NRCAM: variants seen among roughly 807,000 people sequenced by gnomAD.
The protein encoded by NRCAM is neuronal cell adhesion molecule, also known as NgCAM-related cell adhesion molecule.
In NRCAM, 83 loss-of-function variants were observed where a neutral mutation model predicts 156.5. The observed-to-expected ratio is 0.53, with a 90% confidence interval of 0.44 to 0.64. The LOEUF is 0.64. Among genes scored for constraint, NRCAM ranks in the 30% least tolerant of loss-of-function variants. NRCAM has a pLI of 0.00. For synonymous variants in NRCAM, 538 were observed against 563.9 expected (o/e 0.95, Z 0.65); for missense variants, 1,417 against 1,597.3 (o/e 0.89, Z 1.92).
intron 30 of NRCAM, among the ~76,000 whole-genome samples, chr7:108,165,253 G>C (rs984305199): frequency 6.6e-6 from 1 of 152,140 alleles, no homozygotes; most frequent in Admixed American, 6.5e-5. Flanking sequence ...GTATAGTGAG[G>C]CCTTTCTTCT....
chr7:108,386,098 A>G (rs375183189), intron 2 of NRCAM, among the ~76,000 whole-genome samples: 6 of 152,252 alleles, frequency 3.9e-5, no homozygotes, highest in African/African-American at 1.4e-4. Context: ...ATAAGGATGC[A>G]GGAACTAGAA....
intron 2 of NRCAM, among the ~76,000 whole-genome samples, chr7:108,356,306 C>T (rs1047884316): frequency 3.9e-5 from 6 of 152,118 alleles, no homozygotes; most frequent in African/African-American, 1.4e-4. Context: ...TTACAGTATG[C>T]TGTTATAATT....
intron 1 of NRCAM, among the ~76,000 whole-genome samples, chr7:108,400,531 ATGGCACGCAAC>A (rs2099789345): frequency 6.6e-6 from 1 of 152,222 alleles, no homozygotes; most frequent in Non-Finnish European, 1.5e-5. Context: ...CTCAGGTGGA[ATGGCACGCAAC>A]TGTCAATATT....
chr7:108,453,991 G>A (rs1197024417), intron 1 of NRCAM, among the ~76,000 whole-genome samples: 3 of 152,096 alleles, frequency 2.0e-5, no homozygotes, highest in Non-Finnish European at 4.4e-5. Context: ...CAGGGCTGGG[G>A]ACCTTTTCTT....
intron 2 of NRCAM, among the ~76,000 whole-genome samples, chr7:108,322,966 G>C (rs1390480079): frequency 2.6e-5 from 4 of 152,254 alleles, no homozygotes; most frequent in Non-Finnish European, 5.9e-5. Context: ...ACAAAATGGG[G>C]TTAATAATCC....
intron 1 of NRCAM, among the ~76,000 whole-genome samples, chr7:108,427,338 G>A (rs530060282): frequency 4.6e-5 from 7 of 152,316 alleles, no homozygotes; most frequent in South Asian, 4.1e-4. Flanking sequence ...CCTAGAAAGC[G>A]AACACTCCCT....
chr7:108,340,273 GGGA>G (rs1321521951), intron 2 of NRCAM, among the ~76,000 whole-genome samples: 3 of 152,192 alleles, frequency 2.0e-5, no homozygotes, highest in South Asian at 2.1e-4. Flanking sequence ...TCCAAGCAGT[GGGA>G]GGAGGAGAAT....
chr7:108,185,906 T>C (rs900130636), intron 20 of NRCAM, among the ~76,000 whole-genome samples: 16 of 152,174 alleles, frequency 1.1e-4, no homozygotes, highest in African/African-American at 2.7e-4. Context: ...AACAGACATA[T>C]TCACTTGCAT....
intron 2 of NRCAM, among the ~76,000 whole-genome samples, chr7:108,347,648 G>A (rs1209539061): frequency 6.6e-6 from 1 of 152,196 alleles, no homozygotes; most frequent in Non-Finnish European, 1.5e-5. Context: ...CTGCAATTCA[G>A]GAGTGGAAGT....
intron 3 of NRCAM, among the ~76,000 whole-genome samples, chr7:108,243,601 G>A (rs1161043394): frequency 6.6e-6 from 1 of 152,196 alleles, no homozygotes; most frequent in Admixed American, 6.5e-5. Flanking sequence ...TCAAGGCTAA[G>A]GAGTATGTTA....
At chr7:108,351,788 A>C (rs16872495) in intron 2 of NRCAM, among the ~76,000 whole-genome samples, 29,921 of 151,708 alleles carry the variant, frequency 0.2, 3,516 homozygotes, top group East Asian at 0.45. Context: ...TAAGCTGGCT[A>C]AGGATATTTT....
At chr7:108,321,503 C>A (rs2099000925) in intron 2 of NRCAM, among the ~76,000 whole-genome samples, 1 of 152,082 alleles carries the variant, frequency 6.6e-6, no homozygotes, top group Non-Finnish European at 1.5e-5. Context: ...AGAGATCCAC[C>A]CCCATGAGTG....
At chr7:108,298,127 CTAAATACGGATT>C (rs2098488690) in intron 3 of NRCAM, among the ~76,000 whole-genome samples, 1 of 152,124 alleles carries the variant, frequency 6.6e-6, no homozygotes, top group Non-Finnish European at 1.5e-5. Context: ...ATTAATAAAA[CTAAATACGGATT>C]TAAATAAAAT....
chr7:108,396,225 C>A (rs989001504), intron 2 of NRCAM, among the ~76,000 whole-genome samples: 1 of 152,150 alleles, frequency 6.6e-6, no homozygotes, highest in African/African-American at 2.4e-5. Flanking sequence ...GAGAAATATT[C>A]TTTGTGTTCT....
intron 1 of NRCAM, among the ~76,000 whole-genome samples, chr7:108,452,754 T>C (rs1185539040): frequency 6.6e-6 from 1 of 152,234 alleles, no homozygotes; most frequent in African/African-American, 2.4e-5. Flanking sequence ...AAGCTCTACA[T>C]TCCAGTTAAA....
chr7:108,174,367 T>C (rs908627960), intron 28 of NRCAM, among the ~76,000 whole-genome samples: 5 of 151,978 alleles, frequency 3.3e-5, no homozygotes, highest in African/African-American at 1.2e-4. Flanking sequence ...CTCACAGGAG[T>C]TGAATAACAT....
Position 108,184,571 on chromosome 7 carries a change from C to T in NRCAM, c.2079G>A (p.Leu693=). 3 of 1,613,800 alleles carry T rather than the reference C, an allele frequency of 1.9e-6. No individual in the cohort carries two copies. Among genetic ancestry groups the T allele is most frequent in the Non-Finnish European group, 1.7e-6 (2 of 1,180,038 alleles). Residue 693 remains leucine, a synonymous_variant, in exon 21 of 33, where the codon CTG becomes CTA. Transcript: ENST00000379028. The part of the protein sequence containing the change: ...EYEDAMHKPG[L]WHHQTEVSGT... The stretch of plus-strand genomic sequence containing the variant: ...CAGAAACTTCAGTTTGGTGGTGCCA[C>T]AGCCCTGGCTTGTGCATTGCATCTT...
chr7:108,299,150 A>T (rs1157986483), intron 3 of NRCAM, among the ~76,000 whole-genome samples: 3 of 50,578 alleles, frequency 5.9e-5, no homozygotes, highest in Admixed American at 3.6e-4. Context: ...AAAGAAAAGT[A>T]AAAAAAAAAA....
intron 2 of NRCAM, among the ~76,000 whole-genome samples, chr7:108,360,870 A>C (rs1185981963): frequency 1.3e-5 from 2 of 152,224 alleles, no homozygotes; most frequent in Non-Finnish European, 2.9e-5. Flanking sequence ...CCTAAATATA[A>C]AAGCTAAAAC....
Sources: gnomAD v4.1 joint callset for allele counts (sites outside exome capture counted in the v4.1 genomes callset) on GRCh38, gnomAD v4.1.1 for gene constraint, MANE v1.5 for transcripts, NCBI Gene and HGNC (gene_info 2026-07-23, HGNC 2026-07-21) for gene names.